Variants in LRP1B observed in about 807,000 individuals in gnomAD.
The protein encoded by LRP1B is low-density lipoprotein receptor-related protein 1B.
Under a neutral mutation model 556.6 loss-of-function variants are expected in LRP1B, and 217 were observed. The ratio of observed to expected loss-of-function variants is 0.39; its 90% CI spans 0.35 to 0.44. The LOEUF is 0.44. Among genes scored for constraint, LRP1B ranks in the 20% least tolerant of loss-of-function variants. LRP1B has a pLI of 1.00. For missense variants in LRP1B, 5,053 were observed against 5,620.8 expected (o/e 0.90, Z 3.23); for synonymous variants, 2,047 against 1,865.8 (o/e 1.10, Z -2.50).
chr2:140,294,429 T>C (rs955425369), intron 84 of LRP1B, among the ~76,000 whole-genome samples: 1 of 152,208 alleles, frequency 6.6e-6, no homozygotes, highest in Non-Finnish European at 1.5e-5. Context: ...CCATTGTTGG[T>C]TGTAGTCTCA....
At chr2:141,964,700 C>G (rs1021084983) in intron 1 of LRP1B, among the ~76,000 whole-genome samples, 1 of 150,446 alleles carries the variant, frequency 6.6e-6, no homozygotes, top group Admixed American at 6.6e-5. Flanking sequence ...GACTTCATGT[C>G]CAAAACACCA....
intron 3 of LRP1B, among the ~76,000 whole-genome samples, chr2:141,385,497 GACA>G (rs1230462524): frequency 6.6e-6 from 1 of 152,008 alleles, no homozygotes; most frequent in Admixed American, 6.6e-5. Context: ...AGTGCCTATA[GACA>G]ACATGATGAA....
chr2:142,034,057 G>T (rs903889055), intron 1 of LRP1B, among the ~76,000 whole-genome samples: 6 of 151,658 alleles, frequency 4.0e-5, no homozygotes, highest in African/African-American at 1.5e-4. Flanking sequence ...CATTTACATT[G>T]CATTTCCCAC....
In LRP1B at chr2:140,340,349, T is replaced by G. The variant is rs1008236235; in HGVS notation, c.11893-4511A>C. On this transcript the variant is annotated intron_variant, in intron 77 of 90. Coordinates refer to ENST00000389484, the MANE Select transcript of LRP1B (RefSeq NM_018557.3). ...TGTCTAGCTCCTAAACAGTAAATTG[T>G]ATAACAGTTTGAAATATTATCCATT... 4.6e-5 allele frequency among the ~76,000 whole-genome samples: 7 copies of G among 151,764 alleles called. No individual in the cohort carries two copies. In the East Asian group the frequency reaches 1.2e-3, roughly 25 times the overall value.
intron 20 of LRP1B, 114 bp downstream of exon 20, chr2:140,950,120 AT>A (rs1253629943): frequency 2.9e-6 from 2 of 698,854 alleles, no homozygotes; most frequent in Non-Finnish European, 4.5e-6. Context: ...TTCCACATGT[AT>A]ATTCTTGCCT....
At chr2:141,579,508 T>A (rs1686881853) in intron 2 of LRP1B, among the ~76,000 whole-genome samples, 1 of 152,080 alleles carries the variant, frequency 6.6e-6, no homozygotes, top group Non-Finnish European at 1.5e-5. Context: ...ACAAGGACAT[T>A]ATGAGTACTG....
chr2:141,439,919 A>C (rs1463677069), intron 3 of LRP1B, among the ~76,000 whole-genome samples: 5 of 152,222 alleles, frequency 3.3e-5, no homozygotes, highest in Non-Finnish European at 7.3e-5. Flanking sequence ...CTTTCTAAGA[A>C]AAGTTTTGTT....
chr2:141,760,351 A>G (rs933792064), intron 2 of LRP1B, among the ~76,000 whole-genome samples: 5 of 152,200 alleles, frequency 3.3e-5, no homozygotes, highest in African/African-American at 1.2e-4. Flanking sequence ...ATTAGGATTC[A>G]TCTTATGTTT....
chr2:141,046,956 C>T (rs975390596), intron 11 of LRP1B, among the ~76,000 whole-genome samples: 13 of 152,148 alleles, frequency 8.5e-5, no homozygotes, highest in Admixed American at 3.9e-4. Flanking sequence ...ATGGTGCACA[C>T]CTGCAATCCC....
At chr2:140,253,533 T>A (rs1338235737) in intron 86 of LRP1B, among the ~76,000 whole-genome samples, 1 of 152,108 alleles carries the variant, frequency 6.6e-6, no homozygotes, top group Non-Finnish European at 1.5e-5. Context: ...TGATTTAAGT[T>A]AGAAATGTTT....
chr2:140,284,778 TGATA>T (rs763892595), intron 84 of LRP1B, among the ~76,000 whole-genome samples: 5 of 131,256 alleles, frequency 3.8e-5, no homozygotes, highest in Non-Finnish European at 8.0e-5. Context: ...AAAAGTTAGA[TGATA>T]GATAAATAGA....
chr2:141,538,467 A>G (rs1415968605), intron 2 of LRP1B, among the ~76,000 whole-genome samples: 2 of 151,934 alleles, frequency 1.3e-5, no homozygotes, highest in Non-Finnish European at 2.9e-5. Flanking sequence ...ATCACTCATT[A>G]TTCTAGCAAT....
At chr2:140,768,388 T>C (rs983567185) in intron 35 of LRP1B, among the ~76,000 whole-genome samples, 4 of 151,878 alleles carry the variant, frequency 2.6e-5, no homozygotes, top group African/African-American at 7.2e-5. Context: ...TCTTTACACA[T>C]ATAAAAACAC....
intron 71 of LRP1B, 28 bp from the exon 72 acceptor site, chr2:140,364,811 G>A (rs1433006532): frequency 1.2e-6 from 2 of 1,603,264 alleles, no homozygotes; most frequent in Non-Finnish European, 1.7e-6. Context: ...AAGAAACAAA[G>A]AGATTCAGAG....
At chr2:141,262,766 G>C (rs1212492580) in intron 3 of LRP1B, among the ~76,000 whole-genome samples, 1 of 152,068 alleles carries the variant, frequency 6.6e-6, no homozygotes, top group Non-Finnish European at 1.5e-5. Context: ...TCGTTAATCT[G>C]TATGTCTGTC....
intron 3 of LRP1B, among the ~76,000 whole-genome samples, chr2:141,452,225 G>T (rs1681448491): frequency 6.6e-6 from 1 of 152,048 alleles, no homozygotes; most frequent in Non-Finnish European, 1.5e-5. Flanking sequence ...CACTGGGTAG[G>T]TCTCCAAATC....
chr2:141,068,702 A>G (rs1699551608), intron 7 of LRP1B, among the ~76,000 whole-genome samples: 3 of 151,970 alleles, frequency 2.0e-5, no homozygotes, highest in African/African-American at 7.2e-5. Context: ...TTGATTTTAC[A>G]GGCTGCTCAT....
chr2:140,795,554 A>G (rs920226933), intron 32 of LRP1B, among the ~76,000 whole-genome samples: 11 of 152,288 alleles, frequency 7.2e-5, no homozygotes, highest in Non-Finnish European at 8.8e-5. Flanking sequence ...TTCTTACACC[A>G]TATCAGATAA....
intron 6 of LRP1B, among the ~76,000 whole-genome samples, chr2:141,220,651 C>T (rs575002239): frequency 1.1e-4 from 16 of 147,000 alleles, no homozygotes; most frequent in Admixed American, 5.5e-4. Context: ...AAAATGTTAA[C>T]GACAGACAGA....
Sources: allele counts gnomAD v4.1 joint callset (sites outside exome capture counted in the v4.1 genomes callset), GRCh38; gene constraint gnomAD v4.1.1; transcripts MANE v1.5; gene names NCBI Gene and HGNC (gene_info 2026-07-23, HGNC 2026-07-21).